SYT6: variants seen among roughly 807,000 people sequenced by gnomAD.
The protein encoded by SYT6 is synaptotagmin 6.
In SYT6, 24 loss-of-function variants were observed where a neutral mutation model predicts 38.4. The ratio of observed to expected loss-of-function variants is 0.62; its 90% CI spans 0.45 to 0.88. SYT6 has a LOEUF of 0.88. SYT6 is among the 40% of genes least tolerant of loss of function. The pLI is 0.00. For synonymous variants in SYT6, 265 were observed against 241.9 expected (o/e 1.10, Z -0.89); for missense variants, 611 against 621.0 (o/e 0.98, Z 0.17).
chr1:114,135,237 T>C (rs972631669), intron 3 of SYT6, among the ~76,000 whole-genome samples: 6 of 152,070 alleles, frequency 3.9e-5, no homozygotes, highest in African/African-American at 1.4e-4. Flanking sequence ...GTCGAGTTAT[T>C]TATAACTGTC....
intron 3 of SYT6, among the ~76,000 whole-genome samples, chr1:114,120,401 T>C (rs633255): frequency 0.46 from 70,149 of 151,590 alleles, 16,426 homozygotes; most frequent in African/African-American, 0.51. Context: ...TCAAGTCAGT[T>C]GTGTGGCAGG....
intron 4 of SYT6, among the ~76,000 whole-genome samples, chr1:114,100,124 C>A (rs888771414): frequency 6.6e-6 from 1 of 152,158 alleles, no homozygotes; most frequent in African/African-American, 2.4e-5. Context: ...CATCTTTCTA[C>A]CCTGAAATTT....
chr1:114,136,005 C>T (rs1246314397), intron 3 of SYT6, among the ~76,000 whole-genome samples: 1 of 152,168 alleles, frequency 6.6e-6, no homozygotes, highest in Non-Finnish European at 1.5e-5. Flanking sequence ...GCCCTGTCTG[C>T]TCGCCCCGTC....
In SYT6 at chr1:114,097,391, T is replaced by C. The variant is rs571951742; in HGVS notation, c.1515+336A>G. Among the ~76,000 whole-genome samples, 5 of 152,358 alleles carry C rather than the reference T, an allele frequency of 3.3e-5. No individual in the cohort carries two copies. In the East Asian group the frequency reaches 7.7e-4, roughly 24 times the overall value. On this transcript the variant is annotated intron_variant, in intron 6 of 7. Coordinates refer to ENST00000610222, the MANE Select transcript of SYT6 (RefSeq NM_001253772.2). ...CTTGCCAAGCTCTGATCTCACCCCC[T>C]TGGGGCTTTCTCCTAAAGGACAGAC...
intron 1 of SYT6, among the ~76,000 whole-genome samples, chr1:114,151,853 A>G (rs1679453277): frequency 6.6e-6 from 1 of 152,082 alleles, no homozygotes; most frequent in African/African-American, 2.4e-5. Flanking sequence ...TGTTAGGCCT[A>G]ATGTGTTCTG....
intron 4 of SYT6, among the ~76,000 whole-genome samples, chr1:114,102,082 A>C (rs1158565717): frequency 1.3e-5 from 2 of 152,192 alleles, no homozygotes; most frequent in Non-Finnish European, 2.9e-5. Context: ...CAGCAGCTTC[A>C]CCATAGGCTT....
chr1:114,105,592 A>C (rs1167177465), intron 3 of SYT6, among the ~76,000 whole-genome samples: 1 of 152,146 alleles, frequency 6.6e-6, no homozygotes, highest in African/African-American at 2.4e-5. Flanking sequence ...GCCTCCGCAG[A>C]GCCAGCCATC....
At chr1:114,144,948 C>T (rs1679080758) in intron 1 of SYT6, among the ~76,000 whole-genome samples, 1 of 152,080 alleles carries the variant, frequency 6.6e-6, no homozygotes, top group Non-Finnish European at 1.5e-5. Context: ...CCTTCCCAAG[C>T]CTTCCCAACA....
rs1026777953 is a variant in SYT6, at chr1:114,110,139, C to T, written c.1072-6418G>A. On this transcript the variant is annotated intron_variant, in intron 3 of 7. Transcript: ENST00000610222. ...CAATGGGAGACTGGCTCTACCCCTG[C>T]CCTTCCTGCTTTACTTCCTACTCAG... Among the ~76,000 whole-genome samples, 6 of 152,340 alleles carry T rather than the reference C, an allele frequency of 3.9e-5. No individual in the cohort carries two copies. In the East Asian group the frequency reaches 1.2e-3, roughly 29 times the overall value.
intron 3 of SYT6, among the ~76,000 whole-genome samples, chr1:114,107,009 A>C (rs922801872): frequency 6.6e-6 from 1 of 152,178 alleles, no homozygotes; most frequent in Non-Finnish European, 1.5e-5. Context: ...TTCTTCACGC[A>C]GTGTTATGAT....
chr1:114,109,525 G>A (rs1279437427), intron 3 of SYT6, among the ~76,000 whole-genome samples: 1 of 152,202 alleles, frequency 6.6e-6, no homozygotes, highest in Non-Finnish European at 1.5e-5. Flanking sequence ...ACTGTACAGT[G>A]GGATGAATAT....
At chr1:114,140,077 A>AG in intron 1 of SYT6, 114 bp from the exon 2 acceptor site, 1 of 623,498 alleles carries the variant, frequency 1.6e-6, no homozygotes, top group Non-Finnish European at 2.6e-6. Flanking sequence ...AGAAGAGAGA[A>AG]GAATGGTCAT....
At chr1:114,101,396 G>A (rs1165862062) in intron 4 of SYT6, among the ~76,000 whole-genome samples, 2 of 152,094 alleles carry the variant, frequency 1.3e-5, no homozygotes, top group Non-Finnish European at 2.9e-5. Context: ...GCTGAGGGAG[G>A]GGACACAAAG....
intron 3 of SYT6, among the ~76,000 whole-genome samples, chr1:114,120,961 G>A (rs1014076776): frequency 2.6e-5 from 4 of 152,200 alleles, no homozygotes; most frequent in Admixed American, 6.5e-5. Context: ...CAAACCTCAC[G>A]CTGTCCGTGC....
intron 3 of SYT6, among the ~76,000 whole-genome samples, chr1:114,112,013 G>C (rs1019593384): frequency 1.9e-4 from 29 of 152,218 alleles, no homozygotes; most frequent in African/African-American, 6.8e-4. Flanking sequence ...GGATGTGTCT[G>C]TTGTGACGCT....
chr1:114,119,306 T>C (rs1455815212), intron 3 of SYT6, among the ~76,000 whole-genome samples: 1 of 152,072 alleles, frequency 6.6e-6, no homozygotes. Flanking sequence ...ATCCCACAAG[T>C]ATAAATTGAG....
At chr1:114,129,582 T>C (rs1031878529) in intron 3 of SYT6, among the ~76,000 whole-genome samples, 7 of 103,238 alleles carry the variant, frequency 6.8e-5, no homozygotes, top group Non-Finnish European at 1.0e-4. Context: ...CTTTCTTTCT[T>C]TCTTTCTTTC....
At chr1:114,100,252 A>C (rs142923629) in intron 4 of SYT6, among the ~76,000 whole-genome samples, 7 of 152,330 alleles carry the variant, frequency 4.6e-5, no homozygotes, top group Non-Finnish European at 7.3e-5. Context: ...CTCACAGGTA[A>C]TAATAGCTTT....
intron 6 of SYT6, among the ~76,000 whole-genome samples, chr1:114,096,908 G>C (rs1675672455): frequency 6.6e-6 from 1 of 152,132 alleles, no homozygotes; most frequent in South Asian, 2.1e-4. Context: ...AGCCTTGTTT[G>C]GTCACCCACA....
Sources: gnomAD v4.1 joint callset for allele counts (sites outside exome capture counted in the v4.1 genomes callset) on GRCh38, gnomAD v4.1.1 for gene constraint, MANE v1.5 for transcripts, NCBI Gene and HGNC (gene_info 2026-07-23, HGNC 2026-07-21) for gene names.